DDB1: variants seen among roughly 807,000 people sequenced by gnomAD.
DDB1 encodes the protein DNA damage-binding protein 1.
DDB1 carries 18 observed loss-of-function variants against 133.1 expected under a neutral mutation model. The observed-to-expected ratio is 0.14, with a 90% CI of 0.09 to 0.20. The LOEUF is 0.20. DDB1 is among the 10% of genes least tolerant of loss of function. DDB1 has a pLI of 1.00. For missense variants in DDB1, 828 were observed against 1,459.2 expected (o/e 0.57, Z 7.05); for synonymous variants, 580 against 550.5 (o/e 1.05, Z -0.75).
At chr11:61,329,608 G>A in intron 3 of DDB1, 24 bp from the exon 4 acceptor site, 1 of 1,581,876 alleles carries the variant, frequency 6.3e-7, no homozygotes, top group Non-Finnish European at 8.6e-7. Flanking sequence ...TCGGGATTAG[G>A]GAAGAACCTC....
At chr11:61,308,808 T>C (rs186970882) in intron 21 of DDB1, among the ~76,000 whole-genome samples, 175 bp downstream of exon 21, 94 of 152,330 alleles carry the variant, frequency 6.2e-4, no homozygotes, top group Non-Finnish European at 9.8e-4. Context: ...CCTAGTCTAA[T>C]GCGTGGTTCA....
chr11:61,330,073 C>T lies in DDB1; in HGVS notation c.212G>A (p.Gly71Glu). 6.2e-7 allele frequency: 1 copy of T among 1,611,398 alleles called. No individual in the cohort carries two copies. The highest frequency in any genetic ancestry group is 1.3e-5 in the African/African-American group (1 of 74,968). The change falls in exon 3 of 27, where the codon GGG (glycine) becomes GAG (glutamate). Residue 71 changes from glycine to glutamate, a missense_variant and splice_region_variant. By Grantham distance (98) the Gly-to-Glu change is moderately conservative. Transcript: ENST00000301764. ...IAVMELFRPK[G>E]ESKDLLFILT... ...GATAAACAGCAGGTCCTTGCTCTCC[C>T]CCTGGAAACCAATATTATGCTATCA...
chr11:61,322,183 G>C, intron 9 of DDB1, 113 bp downstream of exon 9: 2 of 835,222 alleles, frequency 2.4e-6, no homozygotes, highest in Non-Finnish European at 4.0e-6. Flanking sequence ...GGATTCATGA[G>C]GGGGCTCTTA....
At chr11:61,306,268 G>A (rs1855881679) in intron 21 of DDB1, among the ~76,000 whole-genome samples, 1 of 152,076 alleles carries the variant, frequency 6.6e-6, no homozygotes, top group Non-Finnish European at 1.5e-5. Context: ...TTTCCTAAGG[G>A]CCTTGTGGCC....
chr11:61,311,926 C>G, intron 17 of DDB1, 31 bp from the exon 18 acceptor site: 1 of 1,614,038 alleles, frequency 6.2e-7, no homozygotes, highest in South Asian at 1.1e-5. Context: ...AACAGTGTCA[C>G]TTAGAAAGTC....
chr11:61,309,072 GT>G lies in DDB1; in HGVS notation c.2571del (p.Lys857AsnfsTer10). On this transcript the variant is annotated frameshift_variant, in exon 21 of 27. Transcript: ENST00000301764. LOFTEE classifies it high-confidence loss of function. ...ACTTCCTTTTCAGCCACAGTCTGTA[GT>G]TTTCCTGGGGGTGGAAAAAATATGT... ...RIVVFQYSDG[K>X]LQTVAEKEVK... 2 of 1,614,100 alleles carry G rather than the reference GT, an allele frequency of 1.2e-6. No individual in the cohort carries two copies. The highest frequency in any genetic ancestry group is 1.7e-6 in the Non-Finnish European group (2 of 1,179,994).
At chr11:61,311,924 C>CTG in intron 17 of DDB1, 29 bp from the exon 18 acceptor site, 1 of 1,613,984 alleles carries the variant, frequency 6.2e-7, no homozygotes, top group South Asian at 1.1e-5. Context: ...ACAACAGTGT[C>CTG]ACTTAGAAAG....
chr11:61,321,142 A>G (rs913946358), intron 10 of DDB1: 1 of 153,330 alleles, frequency 6.5e-6, no homozygotes, highest in East Asian at 1.9e-4. Context: ...TTGGCCTCCC[A>G]AAGTGCTGTA....
intron 16 of DDB1, 151 bp downstream of exon 16, chr11:61,313,348 T>C (rs1325517523): frequency 4.8e-5 from 33 of 691,012 alleles, no homozygotes; most frequent in Non-Finnish European, 6.7e-5. Flanking sequence ...AGTGTTTCTA[T>C]TGGGTAGCCA....
intron 9 of DDB1, 88 bp downstream of exon 9, chr11:61,322,208 G>A: frequency 9.6e-7 from 1 of 1,043,820 alleles, no homozygotes; most frequent in Middle Eastern, 2.7e-4. Flanking sequence ...TATTTTCAGT[G>A]CACCCTCCCC....
At chr11:61,305,542 A>C (rs926170738) in intron 21 of DDB1, among the ~76,000 whole-genome samples, 1 of 152,022 alleles carries the variant, frequency 6.6e-6, no homozygotes, top group African/African-American at 2.4e-5. Flanking sequence ...TGGTTACCAC[A>C]CCTCTATCAC....
chr11:61,324,939 G>A (rs529059238), intron 6 of DDB1, among the ~76,000 whole-genome samples: 8 of 152,080 alleles, frequency 5.3e-5, no homozygotes, highest in Non-Finnish European at 8.8e-5. Context: ...ACCTGAGGTC[G>A]GGAGTTCAAG....
At chr11:61,325,932 T>C (rs1368568054) in intron 5 of DDB1, 1 of 610,906 alleles carries the variant, frequency 1.6e-6, no homozygotes, top group Middle Eastern at 4.2e-4. Flanking sequence ...ACTCTTCTGG[T>C]GTTCGACTAT....
intron 25 of DDB1, 26 bp downstream of exon 25, chr11:61,302,231 C>A: frequency 6.3e-7 from 1 of 1,597,950 alleles, no homozygotes; most frequent in African/African-American, 1.3e-5. Context: ...TGCTTCCCAG[C>A]AAGGGGATGG....
At chr11:61,310,741 A>G (rs28720324) in intron 18 of DDB1, 179 of 200,948 alleles carry the variant, frequency 8.9e-4, no homozygotes, top group African/African-American at 3.8e-3. Context: ...GGGCACTTCA[A>G]ATAAAAACAG....
chr11:61,310,534 G>A, intron 18 of DDB1, 116 bp from the exon 19 acceptor site: 1 of 1,246,448 alleles, frequency 8.0e-7, no homozygotes, highest in South Asian at 1.8e-5. Flanking sequence ...CAAGAACTCT[G>A]ATGGCTGGCA....
chr11:61,316,942 GATAGATATATATATATATATATATATAT>G (rs1184203724), intron 10 of DDB1, among the ~76,000 whole-genome samples: 16 of 27,064 alleles, frequency 5.9e-4, no homozygotes, highest in South Asian at 4.3e-3. Context: ...AAAAAAAAAG[GATAGATATATATATATATATATATATAT>G]ATATATATAT....
intron 21 of DDB1, among the ~76,000 whole-genome samples, chr11:61,305,026 G>T (rs866305671): frequency 6.6e-6 from 1 of 152,204 alleles, no homozygotes; most frequent in East Asian, 1.9e-4. Flanking sequence ...CAGTGCTAAA[G>T]AAGACAGACT....
At chr11:61,306,175 C>T (rs575080758) in intron 21 of DDB1, among the ~76,000 whole-genome samples, 1 of 152,324 alleles carries the variant, frequency 6.6e-6, no homozygotes, top group African/African-American at 2.4e-5. Flanking sequence ...ACTCACTGCA[C>T]CCTCTGGAAC....
Sources: allele counts gnomAD v4.1 joint callset (sites outside exome capture counted in the v4.1 genomes callset), GRCh38; gene constraint gnomAD v4.1.1; transcripts MANE v1.5; gene names NCBI Gene and HGNC (gene_info 2026-07-23, HGNC 2026-07-21).